Variants in TTC28 observed in about 807,000 individuals in gnomAD.
The protein encoded by TTC28 is tetratricopeptide repeat protein 28.
Under a neutral mutation model 198.0 loss-of-function variants are expected in TTC28, and 61 were observed. The ratio of observed to expected loss-of-function variants is 0.31; its 90% CI spans 0.25 to 0.38. The LOEUF (loss-of-function observed/expected upper bound fraction) is 0.38, where lower values mean the gene tolerates loss of function less well. Ranked by LOEUF, TTC28 falls within the 10% of genes least tolerant of loss-of-function variation. The pLI is 1.00. For missense variants in TTC28, 2,678 were observed against 3,164.0 expected, an observed-to-expected ratio of 0.85 and a Z score of 3.69; for synonymous variants, 1,171 against 1,297.8, an observed-to-expected ratio of 0.90 and a Z score of 2.10.
chr22:28,070,286 T>C (rs532348397), intron 12 of TTC28, among the ~76,000 whole-genome samples: 1 of 152,148 alleles, frequency 6.6e-6, no homozygotes, highest in South Asian at 2.1e-4. Flanking sequence ...AGTGAGAAAT[T>C]ACAAAGTTAA....
chr22:27,985,009 T>C (rs1194666327), intron 22 of TTC28, among the ~76,000 whole-genome samples: 3 of 152,136 alleles, frequency 2.0e-5, no homozygotes, highest in Admixed American at 6.5e-5. Flanking sequence ...CACCACCCTC[T>C]CACTTCCAGT....
At chr22:28,494,035 G>GAACA (rs1568978524) in intron 2 of TTC28, among the ~76,000 whole-genome samples, 1 of 152,194 alleles carries the variant, frequency 6.6e-6, no homozygotes, top group African/African-American at 2.4e-5. Flanking sequence ...AGGGAAATCT[G>GAACA]AACACTGATT....
At chr22:28,043,514 A>G (rs1357411344) in intron 12 of TTC28, among the ~76,000 whole-genome samples, 2 of 152,012 alleles carry the variant, frequency 1.3e-5, no homozygotes, top group Non-Finnish European at 2.9e-5. Context: ...AGCAGAGAGC[A>G]GTTTGCACCT....
intron 2 of TTC28, among the ~76,000 whole-genome samples, chr22:28,512,957 T>C (rs554920564): frequency 4.0e-5 from 6 of 150,646 alleles, no homozygotes; most frequent in African/African-American, 1.5e-4. Context: ...GAGAAAGTTA[T>C]CTTTTGAATA....
intron 2 of TTC28, among the ~76,000 whole-genome samples, chr22:28,405,798 T>C (rs1306776079): frequency 6.6e-6 from 1 of 152,252 alleles, no homozygotes; most frequent in Non-Finnish European, 1.5e-5. Flanking sequence ...CAGTTTACCA[T>C]TGCCATGGTA....
intron 6 of TTC28, among the ~76,000 whole-genome samples, chr22:28,137,683 A>G (rs1277095266): frequency 6.6e-6 from 1 of 152,050 alleles, no homozygotes; most frequent in African/African-American, 2.4e-5. Context: ...CTCAGAAGTC[A>G]TATAATATGA....
intron 12 of TTC28, among the ~76,000 whole-genome samples, chr22:28,065,459 A>C (rs1283076943): frequency 6.6e-6 from 1 of 152,200 alleles, no homozygotes; most frequent in Non-Finnish European, 1.5e-5. Context: ...TCTTCTTCAT[A>C]AAATGGTCGG....
At chr22:28,410,809 G>A (rs1456437076) in intron 2 of TTC28, among the ~76,000 whole-genome samples, 1 of 152,136 alleles carries the variant, frequency 6.6e-6, no homozygotes, top group Non-Finnish European at 1.5e-5. Flanking sequence ...GAAAAAAATA[G>A]TAATTTACTG....
intron 2 of TTC28, among the ~76,000 whole-genome samples, chr22:28,560,912 A>C (rs994847113): frequency 2.6e-5 from 4 of 151,458 alleles, no homozygotes; most frequent in African/African-American, 4.9e-5. Flanking sequence ...ACCCGCCACC[A>C]TGCCCAGCTA....
intron 2 of TTC28, among the ~76,000 whole-genome samples, chr22:28,387,021 G>A (rs1442776150): frequency 6.6e-6 from 1 of 151,580 alleles, no homozygotes; most frequent in African/African-American, 2.4e-5. Flanking sequence ...AGGCCCCAGA[G>A]TGTGATGTTC....
intron 2 of TTC28, among the ~76,000 whole-genome samples, chr22:28,493,225 G>T (rs1161456369): frequency 6.6e-6 from 1 of 151,990 alleles, no homozygotes; most frequent in Non-Finnish European, 1.5e-5. Flanking sequence ...GCATGGTGGT[G>T]GGTGCCTGTA....
chr22:28,204,953 T>C (rs1229980645), intron 5 of TTC28, among the ~76,000 whole-genome samples: 3 of 152,278 alleles, frequency 2.0e-5, no homozygotes, highest in East Asian at 3.9e-4. Context: ...CTGGTTATTA[T>C]TTATCTAGTC....
At chr22:28,623,350 T>C (rs1027565030) in intron 2 of TTC28, among the ~76,000 whole-genome samples, 1 of 152,168 alleles carries the variant, frequency 6.6e-6, no homozygotes, top group African/African-American at 2.4e-5. Context: ...TATAATAATG[T>C]TATGTGTATA....
intron 5 of TTC28, among the ~76,000 whole-genome samples, chr22:28,242,326 C>T (rs908090149): frequency 6.6e-6 from 1 of 152,158 alleles, no homozygotes; most frequent in Non-Finnish European, 1.5e-5. Flanking sequence ...TGCCATCTGA[C>T]AGAAACTGAT....
At chr22:28,603,905 T>C (rs1601612983) in intron 2 of TTC28, among the ~76,000 whole-genome samples, 1 of 152,312 alleles carries the variant, frequency 6.6e-6, no homozygotes, top group East Asian at 1.9e-4. Flanking sequence ...GTATTAGCAA[T>C]ACTTCAATTT....
At chr22:28,534,890 C>A (rs2049232684) in intron 2 of TTC28, among the ~76,000 whole-genome samples, 1 of 148,194 alleles carries the variant, frequency 6.7e-6, no homozygotes, top group South Asian at 2.2e-4. Context: ...GGATGAGGAA[C>A]ATCACACACC....
At chr22:28,535,245 T>A (rs2145912150) in intron 2 of TTC28, among the ~76,000 whole-genome samples, 1 of 152,250 alleles carries the variant, frequency 6.6e-6, no homozygotes, top group East Asian at 1.9e-4. Flanking sequence ...TAAATCTAAT[T>A]TATGGACTTG....
At chr22:28,166,652 C>A (rs1921996468) in intron 5 of TTC28, among the ~76,000 whole-genome samples, 1 of 152,168 alleles carries the variant, frequency 6.6e-6, no homozygotes, top group Admixed American at 6.5e-5. Flanking sequence ...ATGCCAGAAT[C>A]TCTGGGACAC....
intron 15 of TTC28, 155 bp downstream of exon 15, chr22:28,001,219 T>G: frequency 9.9e-7 from 1 of 1,008,348 alleles, no homozygotes; most frequent in Non-Finnish European, 1.4e-6. Context: ...ACAGACCTAC[T>G]CTAAAGTCAC....
Sources: allele counts gnomAD v4.1 joint callset (sites outside exome capture counted in the v4.1 genomes callset), GRCh38; gene constraint gnomAD v4.1.1; transcripts MANE v1.5; gene names NCBI Gene and HGNC (gene_info 2026-07-23, HGNC 2026-07-21).